The following UGT1A10 variants were observed in gnomAD, a reference collection of about 807,000 sequenced individuals.
The protein encoded by UGT1A10 is UDP glucuronosyltransferase family 1 member A10.
In UGT1A10, 49 loss-of-function variants were observed where a neutral mutation model predicts 45.8. The observed-to-expected ratio is 1.07, with a 90% CI of 0.85 to 1.36. The LOEUF is 1.36. UGT1A10 is among the 40% of genes most tolerant of loss of function. The probability of loss-of-function intolerance (pLI) is 0.00; values close to 1 mark genes in which losing one functional copy is unlikely to be tolerated. For missense variants in UGT1A10, 745 were observed against 668.6 expected, an observed-to-expected ratio of 1.11 and a Z score of -1.26; for synonymous variants, 284 against 249.7, an observed-to-expected ratio of 1.14 and a Z score of -1.29.
intron 1 of UGT1A10, among the ~76,000 whole-genome samples, chr2:233,670,195 G>A (rs2074153926): frequency 6.6e-6 from 1 of 152,208 alleles, no homozygotes; most frequent in African/African-American, 2.4e-5. Context: ...TTAAGTGGAA[G>A]TGGATCATGA....
At chr2:233,763,858 C>A (rs577598991) in intron 1 of UGT1A10, among the ~76,000 whole-genome samples, 1 of 152,130 alleles carries the variant, frequency 6.6e-6, no homozygotes, top group Admixed American at 6.5e-5. Flanking sequence ...GGTTCACAGA[C>A]AATCGCAATG....
At chr2:233,760,338 G>C (rs753493472) in intron 1 of UGT1A10, 4 of 1,614,036 alleles carry the variant, frequency 2.5e-6, no homozygotes, top group Admixed American at 1.7e-5. Context: ...GCCTGCTGCT[G>C]TGTGTGCTGG....
At position 233,713,558 on chromosome 2, in the gene UGT1A10, C is replaced by T. The variant is rs17863789; in HGVS notation, c.856-53476C>T. 1.1e-4 allele frequency: 181 copies of T among 1,613,960 alleles called. 2 individuals carry two copies. The Admixed American group carries it at 2.1e-3, about 19-fold the overall frequency. On this transcript the variant is annotated intron_variant, in intron 1 of 4. Transcript: ENST00000344644. ...ACTTTAAGGGCACACAGTGTCCAAA[C>T]CCTTCCTCCTATATTCCTAGATTAC...
chr2:233,685,333 T>C (rs1452516626), intron 1 of UGT1A10, among the ~76,000 whole-genome samples: 1 of 152,160 alleles, frequency 6.6e-6, no homozygotes, highest in Non-Finnish European at 1.5e-5. Context: ...ACACCCGGAC[T>C]TAAAGTGGTT....
intron 1 of UGT1A10, chr2:233,730,114 C>T: frequency 1.3e-6 from 2 of 1,562,004 alleles, no homozygotes; most frequent in South Asian, 1.2e-5. Flanking sequence ...TCTGCTTCTC[C>T]TTGTCATAAT....
chr2:233,750,239 C>A (rs1187783492), intron 1 of UGT1A10, among the ~76,000 whole-genome samples: 6 of 151,854 alleles, frequency 4.0e-5, no homozygotes, highest in African/African-American at 1.2e-4. Context: ...TTATTGGGAA[C>A]TGGAACAAAG....
chr2:233,703,957 C>T (rs1010447898), intron 1 of UGT1A10, among the ~76,000 whole-genome samples: 1 of 151,710 alleles, frequency 6.6e-6, no homozygotes, highest in African/African-American at 2.4e-5. Flanking sequence ...GTGGTGTGAT[C>T]TTGGCCCACT....
intron 1 of UGT1A10, among the ~76,000 whole-genome samples, chr2:233,653,300 G>A (rs1429967354): frequency 6.6e-6 from 1 of 152,108 alleles, no homozygotes; most frequent in Non-Finnish European, 1.5e-5. Flanking sequence ...CATAAAATAG[G>A]TAATAATAAC....
intron 1 of UGT1A10, chr2:233,708,495 T>C (rs1421697403): frequency 6.6e-6 from 1 of 152,212 alleles, no homozygotes; most frequent in Admixed American, 6.5e-5. Context: ...CTCATGCTTA[T>C]AATCCCAGCA....
At chr2:233,693,486 A>G (rs577594581) in intron 1 of UGT1A10, 2 of 1,614,088 alleles carry the variant, frequency 1.2e-6, no homozygotes, top group African/African-American at 2.7e-5. Context: ...ATCCTGGCTG[A>G]GTATTTGGGC....
In UGT1A10 at chr2:233,769,857, CAAAAA is replaced by C; in HGVS notation, c.1295+1431_1295+1435del. On this transcript the variant is annotated intron_variant, in intron 4 of 4. Coordinates refer to ENST00000344644, the MANE Select transcript of UGT1A10 (RefSeq NM_019075.4). This position sits in a 1 kb window ranked among gnomAD's most constrained non-coding sequence, Gnocchi z 4.4. ...TGGGCAACAGAGTGAGACCCTGTCT[CAAAAA>C]AAAAAAAAAAAATGAAAAGTCCACA... The C allele has an allele frequency of 3.2e-4, 71 of 223,570 alleles. No homozygotes were observed. Among genetic ancestry groups the C allele is most frequent in the South Asian group, 7.7e-4 (7 of 9,102 alleles). The allele number at this position is 223,570 out of a possible 1,614,324, so 13.8% of individuals were successfully genotyped here.
intron 1 of UGT1A10, chr2:233,672,425 C>A: frequency 6.8e-6 from 11 of 1,613,932 alleles, no homozygotes; most frequent in Non-Finnish European, 9.3e-6. Flanking sequence ...TTCTCCCTCC[C>A]CTCCGTGGTC....
At chr2:233,719,615 C>A (rs2076787703) in intron 1 of UGT1A10, 1 of 1,614,016 alleles carries the variant, frequency 6.2e-7, no homozygotes, top group Non-Finnish European at 8.5e-7. Flanking sequence ...TGATGGACTA[C>A]CCCAGGCCGA....
chr2:233,649,886 C>T (rs1196479852), intron 1 of UGT1A10, among the ~76,000 whole-genome samples: 4 of 152,118 alleles, frequency 2.6e-5, no homozygotes, highest in African/African-American at 4.8e-5. Context: ...CATTGCTTTG[C>T]TTGTGCTTTG....
At chr2:233,696,603 G>A (rs1255929079) in intron 1 of UGT1A10, among the ~76,000 whole-genome samples, 1 of 135,292 alleles carries the variant, frequency 7.4e-6, no homozygotes, top group Non-Finnish European at 1.6e-5. Context: ...CAACTTGGAT[G>A]CCCTTTCTTT....
chr2:233,682,283 AT>A (rs761783862), intron 1 of UGT1A10: 12 of 1,614,164 alleles, frequency 7.4e-6, no homozygotes, highest in Non-Finnish European at 9.3e-6. Flanking sequence ...ATCCAATGGT[AT>A]TTTTGACTTA....
intron 1 of UGT1A10, among the ~76,000 whole-genome samples, chr2:233,757,560 A>ATATGTG (rs904896556): frequency 1.6e-5 from 2 of 123,146 alleles, no homozygotes; most frequent in African/African-American, 6.8e-5. Flanking sequence ...ATATATATAT[A>ATATGTG]TGTATATATG....
Position 233,636,501 on chromosome 2 carries a change from T to C in UGT1A10, c.-22T>C, listed in dbSNP as rs371096868. Reference sequence around the variant, plus strand: ...CATAGCAGCTTAGAATCCCAGCTGCTGGCTCGGGCTGCAGTTCTCTCATGG... The same window carrying C: ...CATAGCAGCTTAGAATCCCAGCTGCCGGCTCGGGCTGCAGTTCTCTCATGG... On this transcript the variant is annotated 5_prime_UTR_variant, in exon 1 of 5. Coordinates refer to ENST00000344644, the MANE Select transcript of UGT1A10 (RefSeq NM_019075.4). The C allele has an allele frequency of 1.1e-4, 182 of 1,600,432 alleles. No homozygotes were observed. Among genetic ancestry groups the C allele is most frequent in the Non-Finnish European group, 1.4e-4 (165 of 1,171,992 alleles).
intron 1 of UGT1A10, among the ~76,000 whole-genome samples, chr2:233,640,386 T>G (rs953315929): frequency 1.3e-5 from 2 of 152,148 alleles, no homozygotes; most frequent in Non-Finnish European, 2.9e-5. Context: ...TCATTGAATA[T>G]TTTATTAAAT....
Sources: gnomAD v4.1 joint callset for allele counts (sites outside exome capture counted in the v4.1 genomes callset) on GRCh38, gnomAD v4.1.1 for gene constraint, Gnocchi (gnomAD v3.1) non-coding constraint, MANE v1.5 for transcripts, NCBI Gene and HGNC (gene_info 2026-07-23, HGNC 2026-07-21) for gene names.